Variants in MBD5 observed in about 807,000 individuals in gnomAD.
MBD5 encodes methyl-CpG binding domain protein 5, also known as methyl-CpG-binding domain protein 5.
MBD5 carries 13 observed loss-of-function variants against 117.3 expected under a neutral mutation model. That is an observed-to-expected ratio of 0.11 (90% CI 0.07 to 0.18). The LOEUF is 0.18. Ranked by LOEUF, MBD5 falls within the 10% of genes least tolerant of loss-of-function variation. MBD5 has a pLI of 1.00. For missense variants in MBD5, 1,879 were observed against 2,093.8 expected (o/e 0.90, Z 2.00); for synonymous variants, 727 against 766.4 (o/e 0.95, Z 0.85).
At chr2:148,160,154 C>A in intron 1 of MBD5, among the ~76,000 whole-genome samples, 1 of 152,200 alleles carries the variant, frequency 6.6e-6, no homozygotes, top group East Asian at 1.9e-4. Context: ...AATCCCAGCA[C>A]TTTGGGAGGC....
At chr2:148,364,493 A>T (rs997337289) in intron 4 of MBD5, among the ~76,000 whole-genome samples, 2 of 152,236 alleles carry the variant, frequency 1.3e-5, no homozygotes, top group Non-Finnish European at 2.9e-5. Flanking sequence ...CACACATAAC[A>T]GTATTAACCT....
At chr2:148,383,547 T>G (rs967189264) in intron 4 of MBD5, among the ~76,000 whole-genome samples, 3 of 152,116 alleles carry the variant, frequency 2.0e-5, no homozygotes, top group Non-Finnish European at 4.4e-5. Context: ...GCTGGTACCA[T>G]TCCTTCTGAA....
At chr2:148,391,720 T>C (rs1323736404) in intron 4 of MBD5, among the ~76,000 whole-genome samples, 1 of 152,172 alleles carries the variant, frequency 6.6e-6, no homozygotes, top group African/African-American at 2.4e-5. Flanking sequence ...ATTTCAATTA[T>C]TCTGTATTTT....
At chr2:148,474,007 G>T (rs1292700405) in intron 8 of MBD5, among the ~76,000 whole-genome samples, 1 of 152,142 alleles carries the variant, frequency 6.6e-6, no homozygotes, top group African/African-American at 2.4e-5. Flanking sequence ...ATCTCTGTTG[G>T]ATCTGGCAGC....
chr2:148,427,045 G>GA (rs768748070), intron 4 of MBD5, among the ~76,000 whole-genome samples: 46 of 152,106 alleles, frequency 3.0e-4, no homozygotes, highest in Admixed American at 9.2e-4. Flanking sequence ...AAAAACACAT[G>GA]AAAAAATACT....
At chr2:148,334,891 C>A (rs1186078876) in intron 3 of MBD5, among the ~76,000 whole-genome samples, 1 of 151,958 alleles carries the variant, frequency 6.6e-6, no homozygotes, top group Non-Finnish European at 1.5e-5. Context: ...CAGGGTAAGA[C>A]TTGAGGAGAT....
chr2:148,309,589 A>G (rs1369136034), intron 3 of MBD5, among the ~76,000 whole-genome samples: 1 of 152,198 alleles, frequency 6.6e-6, no homozygotes, highest in Non-Finnish European at 1.5e-5. Context: ...GCATCTGCAA[A>G]CAGAGACAAT....
intron 2 of MBD5, among the ~76,000 whole-genome samples, chr2:148,209,208 G>T (rs1699360032): frequency 6.6e-6 from 1 of 152,116 alleles, no homozygotes; most frequent in South Asian, 2.1e-4. Context: ...GAGATTTGTA[G>T]TTTTGTGTAT....
At chr2:148,249,963 T>G (rs527494794) in intron 3 of MBD5, among the ~76,000 whole-genome samples, 17 of 151,488 alleles carry the variant, frequency 1.1e-4, no homozygotes, top group African/African-American at 3.6e-4. Context: ...AGCGCCGCAG[T>G]TGGAAACTCA....
At chr2:148,377,994 C>T (rs1303075873) in intron 4 of MBD5, among the ~76,000 whole-genome samples, 4 of 151,950 alleles carry the variant, frequency 2.6e-5, no homozygotes, top group Non-Finnish European at 5.9e-5. Flanking sequence ...AAAAGTGTTC[C>T]CCCTTTATAG....
At chr2:148,348,274 G>C (rs1022887606) in intron 4 of MBD5, among the ~76,000 whole-genome samples, 6 of 151,848 alleles carry the variant, frequency 4.0e-5, no homozygotes, top group Admixed American at 2.0e-4. Context: ...CTTCCCTCTT[G>C]ATAAAATCTA....
intron 1 of MBD5, among the ~76,000 whole-genome samples, chr2:148,022,236 T>C (rs1056456236): frequency 6.6e-6 from 1 of 152,230 alleles, no homozygotes; most frequent in African/African-American, 2.4e-5. Flanking sequence ...GTTTTTGCTT[T>C]AAGGGTTTCA....
At chr2:148,378,964 C>T (rs2105418409) in intron 4 of MBD5, among the ~76,000 whole-genome samples, 1 of 151,828 alleles carries the variant, frequency 6.6e-6, no homozygotes, top group South Asian at 2.1e-4. Context: ...TTAAATGACA[C>T]AGAACATAGC....
intron 4 of MBD5, among the ~76,000 whole-genome samples, chr2:148,425,029 A>G (rs1235204258): frequency 6.6e-6 from 1 of 152,200 alleles, no homozygotes; most frequent in Non-Finnish European, 1.5e-5. Flanking sequence ...AGAAATAACT[A>G]ACATCAGAGC....
chr2:148,448,664 TA>T (rs1477427259), intron 4 of MBD5, among the ~76,000 whole-genome samples: 2 of 152,084 alleles, frequency 1.3e-5, no homozygotes, highest in Non-Finnish European at 2.9e-5. Flanking sequence ...AAAGTGTATA[TA>T]AATATTAGTG....
intron 3 of MBD5, among the ~76,000 whole-genome samples, chr2:148,240,014 CT>C (rs1184044482): frequency 6.6e-6 from 1 of 152,162 alleles, no homozygotes; most frequent in African/African-American, 2.4e-5. Flanking sequence ...TTGGAACCAA[CT>C]CAAATGTCCA....
intron 1 of MBD5, among the ~76,000 whole-genome samples, chr2:148,083,462 A>G (rs1695698057): frequency 6.6e-6 from 1 of 152,246 alleles, no homozygotes; most frequent in African/African-American, 2.4e-5. Flanking sequence ...AATTGAGAAG[A>G]TAAAAAGACA....
intron 2 of MBD5, among the ~76,000 whole-genome samples, chr2:148,195,521 A>G (rs1698961157): frequency 6.6e-6 from 1 of 152,220 alleles, no homozygotes; most frequent in African/African-American, 2.4e-5. Flanking sequence ...ATAAGAAAAT[A>G]GAAACCTTCA....
At chr2:148,063,010 T>C (rs1354949685) in intron 1 of MBD5, among the ~76,000 whole-genome samples, 1 of 152,174 alleles carries the variant, frequency 6.6e-6, no homozygotes, top group Non-Finnish European at 1.5e-5. Flanking sequence ...TTCCTTGAGA[T>C]CTATGACCCA....
Sources: gnomAD v4.1 joint callset for allele counts (sites outside exome capture counted in the v4.1 genomes callset) on GRCh38, gnomAD v4.1.1 for gene constraint, MANE v1.5 for transcripts, NCBI Gene and HGNC (gene_info 2026-07-23, HGNC 2026-07-21) for gene names.